The following RBM19 variants were observed in gnomAD, a reference collection of about 807,000 sequenced individuals.
RBM19 encodes RNA binding motif protein 19.
RBM19 carries 94 observed loss-of-function variants against 116.8 expected under a neutral mutation model. The ratio of observed to expected loss-of-function variants is 0.80; its 90% CI spans 0.68 to 0.95. RBM19 has a LOEUF of 0.95. Among genes scored for constraint, RBM19 ranks in the 40% least tolerant of loss-of-function variants. The pLI is 0.00. For synonymous variants in RBM19, 475 were observed against 494.1 expected (o/e 0.96, Z 0.51); for missense variants, 1,161 against 1,220.7 (o/e 0.95, Z 0.73).
intron 16 of RBM19, among the ~76,000 whole-genome samples, chr12:113,932,261 G>A (rs896817894): frequency 3.3e-5 from 5 of 152,216 alleles, no homozygotes; most frequent in Admixed American, 6.5e-5. Context: ...CCTACTTGCA[G>A]GACGATGATG....
chr12:113,890,821 C>A (rs763168526), intron 21 of RBM19, among the ~76,000 whole-genome samples: 8 of 152,210 alleles, frequency 5.3e-5, no homozygotes, highest in Non-Finnish European at 1.2e-4. Context: ...CAGGGTGTTG[C>A]AGTGTTGCCT....
At chr12:113,944,895 A>G (rs1186685588) in intron 13 of RBM19, among the ~76,000 whole-genome samples, 2 of 151,898 alleles carry the variant, frequency 1.3e-5, no homozygotes, top group African/African-American at 4.8e-5. Context: ...TTATATACAT[A>G]TACACACACA....
chr12:113,963,861 G>A (rs34630358), intron 1 of RBM19, among the ~76,000 whole-genome samples: 28,902 of 152,170 alleles, frequency 0.19, 3,398 homozygotes, highest in Middle Eastern at 0.32. Flanking sequence ...TCACTTCCGA[G>A]GTTTTACTTT....
intron 21 of RBM19, among the ~76,000 whole-genome samples, chr12:113,910,884 C>G (rs1027858453): frequency 3.3e-5 from 5 of 152,194 alleles, no homozygotes; most frequent in African/African-American, 1.2e-4. Flanking sequence ...AGGAGAGCCC[C>G]AAGTGTAAGC....
chr12:113,858,712 A>G, intron 22 of RBM19, 79 bp downstream of exon 22: 1 of 1,369,814 alleles, frequency 7.3e-7, no homozygotes, highest in Non-Finnish European at 1.0e-6. Flanking sequence ...TGTGTGTGTT[A>G]GAGGCCTGGC....
Position 113,946,544 on chromosome 12 carries a change from T to C in RBM19, c.1408-69A>G. ...GTAAGCCCTGCTTCCTGCCGAAGGATGTTGGCTTCTGCCACGAGTAAGCTG... is the reference window on the plus strand; with the variant it reads ...GTAAGCCCTGCTTCCTGCCGAAGGACGTTGGCTTCTGCCACGAGTAAGCTG... On this transcript the variant is annotated intron_variant, in intron 11 of 23. Transcript: ENST00000261741. The C allele has an allele frequency of 2.5e-6, 4 of 1,602,640 alleles. No homozygotes were observed. In the South Asian group the frequency reaches 4.4e-5, roughly 18 times the overall value.
intron 8 of RBM19, among the ~76,000 whole-genome samples, chr12:113,950,707 T>C (rs1055298965): frequency 1.6e-4 from 25 of 152,130 alleles, no homozygotes; most frequent in African/African-American, 6.0e-4. Flanking sequence ...TTCTGGAGCA[T>C]TAAAGAAATA....
chr12:113,835,607 T>A (rs1875809298), intron 23 of RBM19, among the ~76,000 whole-genome samples: 1 of 152,148 alleles, frequency 6.6e-6, no homozygotes, highest in Admixed American at 6.5e-5. Flanking sequence ...CTCGCGAGGC[T>A]GGGAGGGTGA....
rs754102066 is a variant in RBM19, at chr12:113,957,983, G to A, written c.639C>T (p.Ser213=). 6.2e-7 allele frequency: 1 copy of A among 1,613,998 alleles called. No homozygotes were observed. The highest frequency in any genetic ancestry group is 2.2e-5 in the East Asian group (1 of 44,896). Residue 213 remains serine, a synonymous_variant, in exon 6 of 24, where the codon TCC becomes TCT. Coordinates refer to ENST00000261741, the MANE Select transcript of RBM19 (RefSeq NM_016196.4). ...KELSDMDYLK[S]KMVKAGSSSS... The stretch of plus-strand genomic sequence containing the variant: ...AGGACGACCCAGCCTTCACCATCTT[G>A]GATTTCAGGTAATCCATGTCCGACA...
At position 113,946,386 on chromosome 12, in the gene RBM19, CT is replaced by C; in HGVS notation, c.1496del (p.Lys499ArgfsTer70). 3 of 1,614,018 alleles carry C rather than the reference CT, an allele frequency of 1.9e-6. No homozygotes were observed. The highest frequency in any genetic ancestry group is 2.5e-6 in the Non-Finnish European group (3 of 1,180,016). ...SALGSSSYKK[K>X]KEAQDKANSA... ...TGTTGGCTTTGTCCTGGGCCTCCTT[CT>C]TCTTCTTGTAGGACGACGATCCCAG... On this transcript the variant is annotated frameshift_variant, in exon 12 of 24. Coordinates refer to ENST00000261741, the MANE Select transcript of RBM19 (RefSeq NM_016196.4). LOFTEE classifies it high-confidence loss of function.
chr12:113,831,909 G>A (rs1251173339), intron 23 of RBM19, among the ~76,000 whole-genome samples: 2 of 152,196 alleles, frequency 1.3e-5, no homozygotes, highest in Non-Finnish European at 2.9e-5. Context: ...TCCCTGCACT[G>A]CTGCAGGGAG....
rs116346221 is a variant in RBM19 at position 113,920,426 on chromosome 12, G to A, written c.2385+185C>T. 9.2e-3 allele frequency among the ~76,000 whole-genome samples: 1,399 copies of A among 152,356 alleles called. 28 individuals are homozygous for A. Among genetic ancestry groups the A allele is most frequent in the African/African-American group, 0.032 (1,342 of 41,582 alleles). ...ATCAAATGAATGAACTATGGTGACC[G>A]TGGAGTGTTGGGAAAGGTTCTTAAT... On this transcript the variant is annotated intron_variant, in intron 19 of 23. Coordinates refer to ENST00000261741, the MANE Select transcript of RBM19 (RefSeq NM_016196.4).
chr12:113,966,099 A>C (rs1375540495), intron 1 of RBM19, 93 bp downstream of exon 1: 1 of 1,546,838 alleles, frequency 6.5e-7, no homozygotes, highest in Non-Finnish European at 8.9e-7. Flanking sequence ...CCCCAGAGCA[A>C]AAATTCTTCG....
At chr12:113,934,296 A>G (rs947863542) in intron 16 of RBM19, among the ~76,000 whole-genome samples, 1 of 152,238 alleles carries the variant, frequency 6.6e-6, no homozygotes, top group African/African-American at 2.4e-5. Context: ...CCACGCCCTC[A>G]GAGGGCGGGG....
In RBM19 at chr12:113,838,194, C is replaced by T. The variant is rs537549392; in HGVS notation, c.2785+6474G>A. On this transcript the variant is annotated intron_variant, in intron 23 of 23. Coordinates refer to ENST00000261741, the MANE Select transcript of RBM19 (RefSeq NM_016196.4). Reference sequence around the variant, plus strand: ...CCGATCACACACATAACTGCACTCACCCACTCTGGGACCACTGAGACTTGC... The same window carrying T: ...CCGATCACACACATAACTGCACTCATCCACTCTGGGACCACTGAGACTTGC... 7.2e-5 allele frequency among the ~76,000 whole-genome samples: 11 copies of T among 152,328 alleles called. No homozygotes were observed. The East Asian group carries it at 1.9e-3, about 27-fold the overall frequency.
At chr12:113,857,249 C>T (rs1245787772) in intron 22 of RBM19, among the ~76,000 whole-genome samples, 2 of 152,200 alleles carry the variant, frequency 1.3e-5, no homozygotes, top group African/African-American at 4.8e-5. Flanking sequence ...AATCCATAGA[C>T]CAAGGGTGGC....
chr12:113,838,106 AG>A (rs1876122248), intron 23 of RBM19, among the ~76,000 whole-genome samples: 1 of 152,252 alleles, frequency 6.6e-6, no homozygotes, highest in African/African-American at 2.4e-5. Context: ...TCAGGGCTGC[AG>A]GGGGCCAGAG....
intron 21 of RBM19, among the ~76,000 whole-genome samples, chr12:113,895,547 C>T (rs867395355): frequency 7.9e-5 from 12 of 152,268 alleles, no homozygotes; most frequent in African/African-American, 2.6e-4. Context: ...ACAGAAAACA[C>T]GACATCATTT....
At chr12:113,887,903 G>C (rs181184997) in intron 21 of RBM19, among the ~76,000 whole-genome samples, 1 of 152,162 alleles carries the variant, frequency 6.6e-6, no homozygotes, top group East Asian at 2.0e-4. Context: ...AAAATTTTCT[G>C]TAGAGGTGAG....
Sources: gnomAD v4.1 joint callset for allele counts (sites outside exome capture counted in the v4.1 genomes callset) on GRCh38, gnomAD v4.1.1 for gene constraint, MANE v1.5 for transcripts, NCBI Gene and HGNC (gene_info 2026-07-23, HGNC 2026-07-21) for gene names.